Variants in ADAMTSL3 observed in about 807,000 individuals in gnomAD.
ADAMTSL3 encodes ADAMTS like 3.
Under a neutral mutation model 201.7 loss-of-function variants are expected in ADAMTSL3, and 128 were observed. That is an observed-to-expected ratio of 0.63 (90% CI 0.55 to 0.73). ADAMTSL3 has a LOEUF of 0.73. Ranked by LOEUF, ADAMTSL3 falls within the 30% of genes least tolerant of loss-of-function variation. The pLI, the probability that ADAMTSL3 is intolerant of heterozygous loss-of-function variation, is 0.00. For missense variants in ADAMTSL3, 1,990 were observed against 2,119.6 expected (o/e 0.94, Z 1.20); for synonymous variants, 738 against 748.4 (o/e 0.99, Z 0.23).
At chr15:83,769,117 A>C (rs2062937302) in intron 3 of ADAMTSL3, among the ~76,000 whole-genome samples, 1 of 152,052 alleles carries the variant, frequency 6.6e-6, no homozygotes, top group South Asian at 2.1e-4. Flanking sequence ...TTGTAAGTTA[A>C]GGTAGAGAAG....
intron 3 of ADAMTSL3, among the ~76,000 whole-genome samples, chr15:83,710,320 T>TA (rs999488288): frequency 1.3e-5 from 2 of 152,158 alleles, no homozygotes; most frequent in African/African-American, 2.4e-5. Context: ...TTTCCAGACT[T>TA]AAAAATGCTT....
chr15:83,865,091 C>T (rs1310837364), intron 8 of ADAMTSL3, among the ~76,000 whole-genome samples: 2 of 152,062 alleles, frequency 1.3e-5, no homozygotes, highest in Non-Finnish European at 2.9e-5. Context: ...GAACTACAAA[C>T]CATTCCTCAA....
chr15:84,033,650 C>G (rs1407908014), intron 28 of ADAMTSL3, among the ~76,000 whole-genome samples: 1 of 152,170 alleles, frequency 6.6e-6, no homozygotes, highest in Non-Finnish European at 1.5e-5. Context: ...CAGAGCAAGA[C>G]TCTATCTCAA....
intron 3 of ADAMTSL3, among the ~76,000 whole-genome samples, chr15:83,731,726 T>G (rs1373300047): frequency 6.6e-6 from 1 of 152,004 alleles, no homozygotes; most frequent in Non-Finnish European, 1.5e-5. Flanking sequence ...ATATTATTCT[T>G]TATGAATTAT....
At chr15:83,818,475 C>T (rs1163066647) in intron 5 of ADAMTSL3, among the ~76,000 whole-genome samples, 9 of 152,082 alleles carry the variant, frequency 5.9e-5, no homozygotes, top group African/African-American at 1.7e-4. Context: ...TACAGGCATG[C>T]GCCACCACAC....
In ADAMTSL3 at chr15:83,983,329, T is replaced by C; in HGVS notation, c.3701T>C (p.Leu1234Ser). ...TYTWTKDGTL[L>S]QPSVKIILDG... ...ACATGGACCAAGGATGGAACCTTGTTACAGCCCTCAGTAAAGTAAGTAAAA... is the reference window on the plus strand; with the variant it reads ...ACATGGACCAAGGATGGAACCTTGTCACAGCCCTCAGTAAAGTAAGTAAAA... The change falls in exon 21 of 30, where the codon TTA becomes TCA. Residue 1234 changes from leucine to serine, a missense_variant. By Grantham distance (145) the Leu-to-Ser change is moderately radical (BLOSUM62 -2). Transcript: ENST00000286744. 1.3e-6 allele frequency: 2 copies of C among 1,524,574 alleles called. No homozygotes were observed. The highest frequency in any genetic ancestry group is 1.8e-6 in the Non-Finnish European group (2 of 1,137,198). The allele number at this position is 1,524,574 out of a possible 1,614,324, so 94.4% of individuals were successfully genotyped here.
chr15:83,972,198 A>G (rs1220004301), intron 20 of ADAMTSL3, among the ~76,000 whole-genome samples: 1 of 152,098 alleles, frequency 6.6e-6, no homozygotes, highest in Non-Finnish European at 1.5e-5. Flanking sequence ...GAACTGCTTG[A>G]CCACAAGTCT....
chr15:83,874,014 G>T (rs1296829523), intron 9 of ADAMTSL3, among the ~76,000 whole-genome samples: 1 of 145,432 alleles, frequency 6.9e-6, no homozygotes, highest in Non-Finnish European at 1.5e-5. Flanking sequence ...CAAGCCCGGG[G>T]TCCTAACCCA....
intron 16 of ADAMTSL3, among the ~76,000 whole-genome samples, chr15:83,919,700 T>G (rs1217696233): frequency 2.0e-5 from 3 of 152,200 alleles, no homozygotes; most frequent in East Asian, 3.9e-4. Flanking sequence ...AAGGGTGGTG[T>G]TAATGTCAGA....
chr15:83,660,975 G>A (rs1233694959), intron 2 of ADAMTSL3, among the ~76,000 whole-genome samples: 172 of 147,078 alleles, frequency 1.2e-3, no homozygotes, highest in Non-Finnish European at 1.9e-3. Context: ...GTAAGGAAGG[G>A]ATCCAGTTTC....
At chr15:83,804,753 A>C in intron 5 of ADAMTSL3, 58 bp downstream of exon 5, 1 of 1,332,604 alleles carries the variant, frequency 7.5e-7, no homozygotes, top group Non-Finnish European at 1.0e-6. Context: ...TTTAAGTTAC[A>C]ATATTCCAAT....
rs757511710 is a variant in ADAMTSL3 at position 83,820,061 on chromosome 15, C to T, written c.600+14C>T. On this transcript the variant is annotated intron_variant, in intron 6 of 29. Transcript: ENST00000286744. ...GGCATCTGTCAGGTAAGCACACTTACCTCCCAATCCCCTGCTTTGGGGATG... is the reference window on the plus strand; with the variant it reads ...GGCATCTGTCAGGTAAGCACACTTATCTCCCAATCCCCTGCTTTGGGGATG... 1.9e-6 allele frequency: 3 copies of T among 1,600,150 alleles called. No homozygotes were observed. In the South Asian group the frequency reaches 3.3e-5, roughly 18 times the overall value.
At position 83,704,967 on chromosome 15, in the gene ADAMTSL3, T is replaced by TGA. The variant is rs1257530292; in HGVS notation, c.189+460_189+461insAG. Among the ~76,000 whole-genome samples, 3 of 48,134 alleles carry TGA rather than the reference T, an allele frequency of 6.2e-5. No individual in the cohort carries two copies. The East Asian group carries it at 2.9e-3, about 47-fold the overall frequency. The allele number at this position is 48,134 out of a possible 152,430, so 31.6% of individuals were successfully genotyped here. ...GCCTGTGTGTGCATATGTCTGTGAG[T>TGA]GTGTGTGTGTGTGTGTGTGTGTGTG... On this transcript the variant is annotated intron_variant, in intron 3 of 29. Coordinates refer to ENST00000286744, the MANE Select transcript of ADAMTSL3 (RefSeq NM_207517.3).
chr15:83,882,759 C>A (rs1287628468), intron 9 of ADAMTSL3, among the ~76,000 whole-genome samples: 1 of 152,082 alleles, frequency 6.6e-6, no homozygotes, highest in Non-Finnish European at 1.5e-5. Flanking sequence ...TTTCTTGAAT[C>A]CAATATTGCT....
At chr15:83,726,066 T>C (rs907828834) in intron 3 of ADAMTSL3, among the ~76,000 whole-genome samples, 4 of 152,162 alleles carry the variant, frequency 2.6e-5, no homozygotes, top group African/African-American at 9.7e-5. Flanking sequence ...TCCTCTTCAA[T>C]TTCTTGCATC....
chr15:83,946,977 A>G (rs572089667), intron 19 of ADAMTSL3, among the ~76,000 whole-genome samples: 1 of 152,336 alleles, frequency 6.6e-6, no homozygotes, highest in South Asian at 2.1e-4. Flanking sequence ...TCAGCCTGTG[A>G]CACCAAAAGC....
chr15:83,923,717 A>G (rs2066190255), intron 16 of ADAMTSL3, among the ~76,000 whole-genome samples, 187 bp from the exon 17 acceptor site: 1 of 152,212 alleles, frequency 6.6e-6, no homozygotes, highest in Admixed American at 6.5e-5. Context: ...AGGGAATATC[A>G]TAAACTAGGA....
intron 28 of ADAMTSL3, among the ~76,000 whole-genome samples, chr15:84,032,798 T>C (rs2068432508): frequency 6.6e-6 from 1 of 152,220 alleles, no homozygotes; most frequent in Non-Finnish European, 1.5e-5. Flanking sequence ...TAAGCTTCAG[T>C]AAATATCCTG....
At chr15:83,954,698 A>G (rs2066820864) in intron 19 of ADAMTSL3, among the ~76,000 whole-genome samples, 1 of 152,226 alleles carries the variant, frequency 6.6e-6, no homozygotes, top group African/African-American at 2.4e-5. Flanking sequence ...CCCCAAGCCC[A>G]GTAACACTGT....
Sources: gnomAD v4.1 joint callset for allele counts (sites outside exome capture counted in the v4.1 genomes callset) on GRCh38, gnomAD v4.1.1 for gene constraint, MANE v1.5 for transcripts, NCBI Gene and HGNC (gene_info 2026-07-23, HGNC 2026-07-21) for gene names.